KCNAB2: variants seen among roughly 807,000 people sequenced by gnomAD.
KCNAB2 encodes potassium voltage-gated channel subfamily A regulatory beta subunit 2, also known as voltage-gated potassium channel subunit beta-2.
Under a neutral mutation model 63.6 loss-of-function variants are expected in KCNAB2, and 29 were observed. That is an observed-to-expected ratio of 0.46 (90% CI 0.34 to 0.62). The LOEUF (loss-of-function observed/expected upper bound fraction) is 0.62. KCNAB2 is among the 20% of genes least tolerant of loss of function. The pLI, the probability that KCNAB2 is intolerant of heterozygous loss-of-function variation, is 0.01. For missense variants in KCNAB2, 359 were observed against 563.9 expected, an observed-to-expected ratio of 0.64 and a Z score of 3.68; for synonymous variants, 222 against 224.2, an observed-to-expected ratio of 0.99 and a Z score of 0.09.
chr1:6,013,079 G>A (rs954452186), intron 1 of KCNAB2, among the ~76,000 whole-genome samples: 1 of 152,124 alleles, frequency 6.6e-6, no homozygotes, highest in Admixed American at 6.5e-5. Flanking sequence ...CCACTGCTCT[G>A]CTTGGCTTCA....
chr1:5,998,837 A>T (rs1418151951), intron 1 of KCNAB2, among the ~76,000 whole-genome samples: 2 of 152,200 alleles, frequency 1.3e-5, no homozygotes, highest in African/African-American at 4.8e-5. Context: ...TGAAAGTCAA[A>T]GTGGCTTCCC....
rs903821328 is a variant in KCNAB2 at position 6,099,808 on chromosome 1, C to T, written c.*1234C>T. On this transcript the variant is annotated 3_prime_UTR_variant, in exon 16 of 16. Coordinates refer to ENST00000378083, the MANE Select transcript of KCNAB2 (RefSeq NM_001199862.2). ...GGTTAGCCCCTCCCACTGCCTGACA[C>T]CTGGGACAGGCTGGGCAGAGGGGAG... 4 of 1,520,194 alleles carry T rather than the reference C, an allele frequency of 2.6e-6. No individual in the cohort carries two copies. Among genetic ancestry groups the T allele is most frequent in the Non-Finnish European group, 2.7e-6 (3 of 1,131,786 alleles). 94.2% of individuals were successfully genotyped at this position (1,520,194 alleles called of 1,614,324 possible).
chr1:6,044,653 C>T (rs1557444690), upstream of KCNAB2, among the ~76,000 whole-genome samples: 1 of 152,076 alleles, frequency 6.6e-6, no homozygotes, highest in African/African-American at 2.4e-5. Context: ...GGGGAGCCAT[C>T]TATGGTGTTT....
At chr1:5,996,997 C>A (rs1282521964) in intron 1 of KCNAB2, among the ~76,000 whole-genome samples, 2 of 152,228 alleles carry the variant, frequency 1.3e-5, no homozygotes, top group Non-Finnish European at 2.9e-5. Context: ...CTCTCTGAGT[C>A]TCTGGCTCTC....
At chr1:5,998,854 C>G (rs1657080076) in intron 1 of KCNAB2, among the ~76,000 whole-genome samples, 1 of 152,212 alleles carries the variant, frequency 6.6e-6, no homozygotes, top group Non-Finnish European at 1.5e-5. Flanking sequence ...TCCCTAAGGC[C>G]TCCAAGCTAC....
chr1:6,051,780 G>A (rs1661420022), intron 2 of KCNAB2, 26 bp downstream of exon 2: 8 of 1,515,944 alleles, frequency 5.3e-6, no homozygotes, highest in Non-Finnish European at 7.1e-6. Context: ...GGGGGCGGTG[G>A]GGTGGGAAGT....
intron 1 of KCNAB2, among the ~76,000 whole-genome samples, chr1:6,009,852 T>C (rs1490282181): frequency 2.0e-5 from 3 of 151,056 alleles, no homozygotes; most frequent in Non-Finnish European, 2.9e-5. Flanking sequence ...GGGTCATCTG[T>C]GCTATTTCTT....
intron 2 of KCNAB2, among the ~76,000 whole-genome samples, chr1:6,059,338 G>A (rs951206148): frequency 1.1e-4 from 16 of 152,216 alleles, no homozygotes; most frequent in East Asian, 7.7e-4. Context: ...CCACAGGTGC[G>A]CACCACCACA....
At chr1:6,011,445 T>G (rs1570853107) in intron 1 of KCNAB2, among the ~76,000 whole-genome samples, 1 of 120,512 alleles carries the variant, frequency 8.3e-6, no homozygotes, top group African/African-American at 3.3e-5. Flanking sequence ...GGGCCAGGTG[T>G]GTGGGAGAGA....
At chr1:6,026,925 G>A (rs997128404) in intron 1 of KCNAB2, among the ~76,000 whole-genome samples, 5 of 152,186 alleles carry the variant, frequency 3.3e-5, no homozygotes, top group Admixed American at 1.3e-4. Context: ...AGTGGAAGGC[G>A]CGAAGGCCCC....
chr1:6,093,156 A>G (rs931469182), intron 10 of KCNAB2, among the ~76,000 whole-genome samples: 1 of 152,084 alleles, frequency 6.6e-6, no homozygotes, highest in Admixed American at 6.5e-5. Context: ...CATTTTCAGG[A>G]CCTCAGCTTC....
intron 1 of KCNAB2, among the ~76,000 whole-genome samples, chr1:6,010,550 A>G (rs373946078): frequency 1.3e-5 from 2 of 152,234 alleles, no homozygotes; most frequent in East Asian, 3.8e-4. Context: ...GCCCTGGATG[A>G]GCCACAGCTG....
chr1:6,065,757 A>T (rs1405332598), intron 2 of KCNAB2, among the ~76,000 whole-genome samples: 1 of 152,130 alleles, frequency 6.6e-6, no homozygotes, highest in Admixed American at 6.5e-5. Flanking sequence ...GTGGGGACAG[A>T]GGAAGGACCT....
chr1:6,000,359 C>T (rs747342129), intron 1 of KCNAB2, among the ~76,000 whole-genome samples: 2 of 152,212 alleles, frequency 1.3e-5, no homozygotes, highest in Non-Finnish European at 2.9e-5. Context: ...AAAACCTCCC[C>T]GTTCCGCAGG....
At chr1:6,039,270 A>G (rs957678177) in intron 1 of KCNAB2, among the ~76,000 whole-genome samples, 2 of 152,138 alleles carry the variant, frequency 1.3e-5, no homozygotes, top group African/African-American at 4.8e-5. Context: ...GGCAGAGCAT[A>G]GGGGCCTGAG....
At chr1:6,098,073 T>G (rs1571119088) in intron 15 of KCNAB2, 2 of 754,804 alleles carry the variant, frequency 2.6e-6, no homozygotes, top group Non-Finnish European at 3.3e-6. Flanking sequence ...AAACTGGATG[T>G]GGGGGTGAGA....
chr1:6,070,083 C>T (rs1348447617), intron 2 of KCNAB2, among the ~76,000 whole-genome samples: 1 of 152,222 alleles, frequency 6.6e-6, no homozygotes, highest in Non-Finnish European at 1.5e-5. Flanking sequence ...CCCACAGTCA[C>T]TCGTGGAGGT....
At chr1:6,004,843 C>T (rs954708894) in intron 1 of KCNAB2, among the ~76,000 whole-genome samples, 2 of 151,654 alleles carry the variant, frequency 1.3e-5, no homozygotes, top group African/African-American at 4.8e-5. Flanking sequence ...CCACCTCCAG[C>T]CCCGTCTCCC....
chr1:6,042,842 C>CT (rs1660609918), upstream of KCNAB2, among the ~76,000 whole-genome samples: 3 of 62,810 alleles, frequency 4.8e-5, no homozygotes, highest in African/African-American at 6.9e-5. Flanking sequence ...CCCCACTCCC[C>CT]ACCCCCCCCC....
Sources: allele counts gnomAD v4.1 joint callset (sites outside exome capture counted in the v4.1 genomes callset), GRCh38; gene constraint gnomAD v4.1.1; transcripts MANE v1.5; gene names NCBI Gene and HGNC (gene_info 2026-07-23, HGNC 2026-07-21).